LRP1B: variants seen among roughly 807,000 people sequenced by gnomAD.
LRP1B encodes the protein low-density lipoprotein receptor-related protein 1B.
Under a neutral mutation model 556.6 loss-of-function variants are expected in LRP1B, and 217 were observed. That is an observed-to-expected ratio of 0.39 (90% CI 0.35 to 0.44). LRP1B has a LOEUF of 0.44. LRP1B is among the 20% of genes least tolerant of loss of function. The pLI is 1.00. For missense variants in LRP1B, 5,053 were observed against 5,620.8 expected (o/e 0.90, Z 3.23); for synonymous variants, 2,047 against 1,865.8 (o/e 1.10, Z -2.50).
chr2:141,090,297 T>C (rs949430910), intron 7 of LRP1B, among the ~76,000 whole-genome samples: 3 of 152,228 alleles, frequency 2.0e-5, no homozygotes, highest in African/African-American at 7.2e-5. Flanking sequence ...TAAGTGGCTA[T>C]AAATACTGGA....
intron 2 of LRP1B, among the ~76,000 whole-genome samples, chr2:141,597,182 CA>C (rs1268686521): frequency 6.6e-6 from 1 of 151,930 alleles, no homozygotes; most frequent in Non-Finnish European, 1.5e-5. Flanking sequence ...CCATGTCAAC[CA>C]CCAGTTTGAA....
At chr2:142,093,370 A>C (rs1706242512) in intron 1 of LRP1B, among the ~76,000 whole-genome samples, 2 of 152,128 alleles carry the variant, frequency 1.3e-5, no homozygotes, top group Admixed American at 1.3e-4. Context: ...ATAAGCTATC[A>C]CAAAAAATTA....
intron 2 of LRP1B, among the ~76,000 whole-genome samples, chr2:141,666,082 T>C (rs1690419053): frequency 6.6e-6 from 1 of 152,128 alleles, no homozygotes; most frequent in Non-Finnish European, 1.5e-5. Flanking sequence ...CATTTACATA[T>C]GTAACAAACC....
At chr2:141,112,607 T>C (rs182144531) in intron 7 of LRP1B, among the ~76,000 whole-genome samples, 1 of 152,202 alleles carries the variant, frequency 6.6e-6, no homozygotes, top group African/African-American at 2.4e-5. Context: ...CAATTTATAA[T>C]AAATACAATG....
chr2:142,109,843 T>C (rs1209774849), intron 1 of LRP1B, among the ~76,000 whole-genome samples: 2 of 152,152 alleles, frequency 1.3e-5, no homozygotes, highest in African/African-American at 4.8e-5. Flanking sequence ...AACGGGAGTT[T>C]TTCCCAATGA....
chr2:140,882,795 C>T (rs1293501864), intron 25 of LRP1B, among the ~76,000 whole-genome samples: 1 of 152,146 alleles, frequency 6.6e-6, no homozygotes, highest in Non-Finnish European at 1.5e-5. Flanking sequence ...TCTCTTATCT[C>T]GTTGAACTCC....
At chr2:140,483,040 G>A (rs947231397) in intron 59 of LRP1B, among the ~76,000 whole-genome samples, 1 of 152,192 alleles carries the variant, frequency 6.6e-6, no homozygotes, top group African/African-American at 2.4e-5. Flanking sequence ...AATCCAAGTT[G>A]CCTGATTTTC....
chr2:141,365,003 C>A (rs930766165), intron 3 of LRP1B, among the ~76,000 whole-genome samples: 2 of 150,998 alleles, frequency 1.3e-5, no homozygotes, highest in Non-Finnish European at 2.9e-5. Context: ...TGTTTCTTTG[C>A]CAAACACTTG....
At chr2:141,421,398 G>A (rs1680135490) in intron 3 of LRP1B, among the ~76,000 whole-genome samples, 2 of 150,734 alleles carry the variant, frequency 1.3e-5, no homozygotes. Flanking sequence ...GCGTAGTGGC[G>A]GGCGCCTGTA....
intron 79 of LRP1B, among the ~76,000 whole-genome samples, chr2:140,326,845 C>T (rs1680513329): frequency 6.6e-6 from 1 of 152,054 alleles, no homozygotes; most frequent in South Asian, 2.1e-4. Context: ...TGAAATAATA[C>T]ACAGTAAAAA....
chr2:141,946,969 T>C (rs1700970038), intron 1 of LRP1B, among the ~76,000 whole-genome samples: 1 of 152,128 alleles, frequency 6.6e-6, no homozygotes, highest in Non-Finnish European at 1.5e-5. Flanking sequence ...AGCAACATAA[T>C]AGAGCTGAAA....
At position 141,015,791 on chromosome 2, in the gene LRP1B, C is replaced by T. The variant is rs757137473; in HGVS notation, c.2095G>A (p.Gly699Ser). The change falls in exon 13 of 91, where the codon GGT becomes AGT. Residue 699 changes from glycine to serine, a missense_variant. Transcript: ENST00000389484. ...FVTSKMLWPN[G>S]LTLDFHTNTL... ...TTGGTGTGAAAGTCCAGAGTTAAAC[C>T]GTTTGGCCACAGCATCTTTGAAGTC... is the stretch of plus-strand genomic sequence containing the variant. 2.0e-5 allele frequency: 33 copies of T among 1,613,336 alleles called. No individual in the cohort carries two copies. The highest frequency in any genetic ancestry group is 8.3e-5 in the Admixed American group (5 of 59,912).
chr2:141,731,024 G>C (rs1019845727), intron 2 of LRP1B, among the ~76,000 whole-genome samples: 1 of 152,152 alleles, frequency 6.6e-6, no homozygotes, highest in Non-Finnish European at 1.5e-5. Flanking sequence ...ACTCCCAACG[G>C]GGGGTGTGGG....
At chr2:141,238,133 C>T (rs1239693092) in intron 5 of LRP1B, among the ~76,000 whole-genome samples, 1 of 152,114 alleles carries the variant, frequency 6.6e-6, no homozygotes, top group Non-Finnish European at 1.5e-5. Flanking sequence ...TAGATTATTA[C>T]ATGATTATTA....
chr2:140,422,211 T>C (rs912959369), intron 66 of LRP1B, among the ~76,000 whole-genome samples: 1 of 152,214 alleles, frequency 6.6e-6, no homozygotes, highest in Non-Finnish European at 1.5e-5. Flanking sequence ...TATTCGATCC[T>C]TTAAGAAGGC....
chr2:140,588,890 G>A (rs1682101842), intron 43 of LRP1B, among the ~76,000 whole-genome samples: 1 of 151,690 alleles, frequency 6.6e-6, no homozygotes, highest in Non-Finnish European at 1.5e-5. Context: ...AACCCAGGAG[G>A]CAGAGGTTGC....
chr2:140,974,803 T>C (rs1696542781), intron 18 of LRP1B, among the ~76,000 whole-genome samples: 1 of 151,968 alleles, frequency 6.6e-6, no homozygotes, highest in Non-Finnish European at 1.5e-5. Flanking sequence ...AATAGGGGAG[T>C]ACTGCACAAG....
intron 37 of LRP1B, among the ~76,000 whole-genome samples, chr2:140,709,532 G>T (rs1686960974): frequency 1.3e-5 from 2 of 151,788 alleles, no homozygotes; most frequent in Admixed American, 1.3e-4. Context: ...AATGATAGCT[G>T]AAAGAAACTG....
At chr2:141,384,519 A>G (rs6709458) in intron 3 of LRP1B, among the ~76,000 whole-genome samples, 8,264 of 152,238 alleles carry the variant, frequency 0.054, 259 homozygotes, top group South Asian at 0.08. Flanking sequence ...GGGAAAAAGA[A>G]TTTCTGGGGT....
Sources: allele counts gnomAD v4.1 joint callset (sites outside exome capture counted in the v4.1 genomes callset), GRCh38; gene constraint gnomAD v4.1.1; transcripts MANE v1.5; gene names NCBI Gene and HGNC (gene_info 2026-07-23, HGNC 2026-07-21).